SGCZ: variants seen among roughly 807,000 people sequenced by gnomAD.
The protein encoded by SGCZ is zeta-sarcoglycan.
SGCZ carries 40 observed loss-of-function variants against 41.3 expected under a neutral mutation model. That is an observed-to-expected ratio of 0.97 (90% CI 0.75 to 1.26). The LOEUF is 1.26. Ranked by LOEUF, SGCZ falls within the 50% of genes most tolerant of loss-of-function variation. The probability of loss-of-function intolerance (pLI) is 0.00; values close to 1 mark genes in which losing one functional copy is unlikely to be tolerated. For synonymous variants in SGCZ, 206 were observed against 137.5 expected, an observed-to-expected ratio of 1.50 and a Z score of -3.49; for missense variants, 552 against 369.8, an observed-to-expected ratio of 1.49 and a Z score of -4.04.
chr8:14,703,339 G>T (rs1213167566), intron 1 of SGCZ, among the ~76,000 whole-genome samples: 3 of 151,864 alleles, frequency 2.0e-5, no homozygotes, highest in Non-Finnish European at 4.4e-5. Context: ...TTGCCTCAGG[G>T]TGTGTGTTCC....
At chr8:14,444,304 A>G (rs1413673709) in intron 2 of SGCZ, among the ~76,000 whole-genome samples, 2 of 152,172 alleles carry the variant, frequency 1.3e-5, no homozygotes, top group African/African-American at 4.8e-5. Context: ...CAGCCTTTCC[A>G]TTACTGGGTA....
intron 1 of SGCZ, among the ~76,000 whole-genome samples, chr8:15,038,136 T>G (rs138927739): frequency 2.1e-4 from 32 of 152,046 alleles, no homozygotes; most frequent in African/African-American, 7.5e-4. Context: ...ACAAAAGACA[T>G]GGAATAACAA....
chr8:15,154,549 T>C (rs1799273279), intron 1 of SGCZ, among the ~76,000 whole-genome samples: 1 of 152,220 alleles, frequency 6.6e-6, no homozygotes, highest in African/African-American at 2.4e-5. Flanking sequence ...AATAATAGTC[T>C]ATCATGGAGT....
At position 15,202,629 on chromosome 8, in the gene SGCZ, G is replaced by T. The variant is rs765105944; in HGVS notation, c.39+34956C>A. ...TTATTCATGTAACCAAACACAACCT[G>T]TTCCCCAAAAACCTATTAAAATAAA... On this transcript the variant is annotated intron_variant, in intron 1 of 7. Transcript: ENST00000382080. Among the ~76,000 whole-genome samples the T allele has an allele frequency of 2.0e-5, 3 of 151,968 alleles. No individual in the cohort carries two copies. The South Asian group carries it at 6.2e-4, about 32-fold the overall frequency.
intron 3 of SGCZ, among the ~76,000 whole-genome samples, chr8:14,243,706 T>C (rs34833255): frequency 0.06 from 9,125 of 152,222 alleles, 386 homozygotes; most frequent in Middle Eastern, 0.1. Context: ...GAAATTCTTA[T>C]CCATGTCTCT....
intron 1 of SGCZ, among the ~76,000 whole-genome samples, chr8:14,671,509 C>A (rs1052837937): frequency 6.6e-6 from 1 of 152,134 alleles, no homozygotes; most frequent in African/African-American, 2.4e-5. Flanking sequence ...TGTAGGCTAG[C>A]ACAAACACAA....
At chr8:15,043,863 T>C (rs2130982277) in intron 1 of SGCZ, among the ~76,000 whole-genome samples, 1 of 152,180 alleles carries the variant, frequency 6.6e-6, no homozygotes, top group East Asian at 1.9e-4. Flanking sequence ...GAAGTAGAAT[T>C]CCTTTCTTCA....
intron 1 of SGCZ, among the ~76,000 whole-genome samples, chr8:15,056,045 T>A (rs919144359): frequency 2.6e-5 from 4 of 152,200 alleles, no homozygotes; most frequent in African/African-American, 9.7e-5. Flanking sequence ...TAAATCTGTT[T>A]AGAAAATGCA....
At chr8:14,105,227 C>T (rs1297542520) in intron 6 of SGCZ, among the ~76,000 whole-genome samples, 3 of 151,976 alleles carry the variant, frequency 2.0e-5, no homozygotes, top group Non-Finnish European at 4.4e-5. Context: ...GAAACTAGCA[C>T]AGAACTTGAG....
intron 1 of SGCZ, among the ~76,000 whole-genome samples, chr8:15,215,992 A>G (rs1189921420): frequency 6.6e-6 from 1 of 152,090 alleles, no homozygotes; most frequent in Admixed American, 6.5e-5. Context: ...TTTCCTCATC[A>G]ACAGTGTATC....
intron 2 of SGCZ, among the ~76,000 whole-genome samples, chr8:14,438,491 G>A (rs1359837937): frequency 6.6e-6 from 1 of 151,806 alleles, no homozygotes; most frequent in Non-Finnish European, 1.5e-5. Flanking sequence ...AATAACTGTG[G>A]CTCTCTCTAT....
intron 1 of SGCZ, among the ~76,000 whole-genome samples, chr8:15,228,745 T>C (rs1801852659): frequency 6.6e-6 from 1 of 152,186 alleles, no homozygotes; most frequent in Admixed American, 6.5e-5. Flanking sequence ...GTATTAAATA[T>C]CAGTCTTTTA....
intron 1 of SGCZ, among the ~76,000 whole-genome samples, chr8:15,032,848 G>T (rs888955997): frequency 9.2e-5 from 14 of 152,080 alleles, no homozygotes; most frequent in Non-Finnish European, 1.6e-4. Flanking sequence ...AGCCTCTGTG[G>T]ATACAGGCTC....
chr8:14,135,573 CA>C (rs1256887866), intron 5 of SGCZ, among the ~76,000 whole-genome samples: 1 of 152,092 alleles, frequency 6.6e-6, no homozygotes, highest in African/African-American at 2.4e-5. Context: ...AAAAAAATCT[CA>C]CAAAATGCAA....
chr8:14,150,711 A>G (rs1803673957), intron 5 of SGCZ, among the ~76,000 whole-genome samples: 1 of 152,182 alleles, frequency 6.6e-6, no homozygotes, highest in Non-Finnish European at 1.5e-5. Context: ...TATCAAAGAG[A>G]TATCTACATG....
chr8:15,060,887 T>TTTTTAG (rs1380876872), intron 1 of SGCZ, among the ~76,000 whole-genome samples: 1 of 152,108 alleles, frequency 6.6e-6, no homozygotes, highest in East Asian at 1.9e-4. Flanking sequence ...TTCAGTTTAG[T>TTTTTAG]TTTTAGCCTT....
intron 3 of SGCZ, among the ~76,000 whole-genome samples, chr8:14,238,905 A>G (rs943966405): frequency 2.6e-5 from 4 of 152,044 alleles, no homozygotes; most frequent in African/African-American, 9.7e-5. Context: ...AAGTGCTTTC[A>G]TATGTAAGCT....
intron 1 of SGCZ, among the ~76,000 whole-genome samples, chr8:14,827,108 T>A (rs909921603): frequency 1.3e-4 from 19 of 151,530 alleles, no homozygotes; most frequent in Non-Finnish European, 2.5e-4. Flanking sequence ...ATATCTTTCT[T>A]AAGAATATAC....
At chr8:14,419,517 A>G (rs946853529) in intron 2 of SGCZ, among the ~76,000 whole-genome samples, 2 of 151,814 alleles carry the variant, frequency 1.3e-5, no homozygotes, top group African/African-American at 2.4e-5. Flanking sequence ...TTACTAAGCC[A>G]TTTCATCACC....
Sources: gnomAD v4.1 joint callset for allele counts (sites outside exome capture counted in the v4.1 genomes callset) on GRCh38, gnomAD v4.1.1 for gene constraint, MANE v1.5 for transcripts, NCBI Gene and HGNC (gene_info 2026-07-23, HGNC 2026-07-21) for gene names.